ZCCHC7: variants seen among roughly 807,000 people sequenced by gnomAD.
ZCCHC7 encodes zinc finger CCHC-type containing 7, also known as zinc finger CCHC domain-containing protein 7.
In ZCCHC7, 35 loss-of-function variants were observed where a neutral mutation model predicts 52.0. The ratio of observed to expected loss-of-function variants is 0.67; its 90% CI spans 0.51 to 0.89. The LOEUF (loss-of-function observed/expected upper bound fraction) is 0.89. ZCCHC7 is among the 40% of genes least tolerant of loss of function. The pLI is 0.00. For synonymous variants in ZCCHC7, 217 were observed against 221.5 expected, an observed-to-expected ratio of 0.98 and a Z score of 0.18; for missense variants, 574 against 649.1, an observed-to-expected ratio of 0.88 and a Z score of 1.26.
At chr9:37,330,806 C>T (rs1193256412) in intron 6 of ZCCHC7, among the ~76,000 whole-genome samples, 1 of 151,418 alleles carries the variant, frequency 6.6e-6, no homozygotes, top group Non-Finnish European at 1.5e-5. Context: ...TTCCCCCACC[C>T]CCTGTCATTT....
chr9:37,233,134 A>G (rs899976870), intron 2 of ZCCHC7, among the ~76,000 whole-genome samples: 1 of 152,218 alleles, frequency 6.6e-6, no homozygotes, highest in Non-Finnish European at 1.5e-5. Context: ...CAGTGAGGTT[A>G]TATTTCTAAA....
At chr9:37,307,700 A>G (rs1696440599) in intron 5 of ZCCHC7, among the ~76,000 whole-genome samples, 1 of 152,024 alleles carries the variant, frequency 6.6e-6, no homozygotes, top group South Asian at 2.1e-4. Flanking sequence ...ATAAATTAGT[A>G]TGGCTTTCTG....
chr9:37,278,468 T>C (rs1827794734), intron 2 of ZCCHC7, among the ~76,000 whole-genome samples: 1 of 152,052 alleles, frequency 6.6e-6, no homozygotes, highest in Non-Finnish European at 1.5e-5. Context: ...AAGAAAACTT[T>C]AAAAATAAAT....
intron 2 of ZCCHC7, among the ~76,000 whole-genome samples, chr9:37,253,709 A>G (rs1826439620): frequency 6.6e-6 from 1 of 152,020 alleles, no homozygotes; most frequent in African/African-American, 2.4e-5. Context: ...ATGAGAGGGA[A>G]TGGTACATAT....
chr9:37,356,021 C>A (rs1821679531), intron 8 of ZCCHC7, among the ~76,000 whole-genome samples: 1 of 151,994 alleles, frequency 6.6e-6, no homozygotes, highest in Admixed American at 6.6e-5. Context: ...TTAGAGAAAA[C>A]CCATTTTGGT....
intron 2 of ZCCHC7, among the ~76,000 whole-genome samples, chr9:37,269,882 C>CT (rs1827319678): frequency 1.3e-5 from 2 of 152,026 alleles, no homozygotes; most frequent in African/African-American, 4.8e-5. Context: ...TTTGAGGCAC[C>CT]TAGGCCAGTT....
intron 2 of ZCCHC7, among the ~76,000 whole-genome samples, chr9:37,270,184 G>A (rs1040783990): frequency 2.6e-5 from 4 of 152,024 alleles, no homozygotes; most frequent in South Asian, 4.1e-4. Context: ...CTTGTTTAAC[G>A]TGACTACTAG....
intron 2 of ZCCHC7, among the ~76,000 whole-genome samples, chr9:37,136,550 C>G (rs1049251920): frequency 3.3e-5 from 5 of 152,086 alleles, no homozygotes; most frequent in Admixed American, 2.6e-4. Flanking sequence ...CTTGACCTCC[C>G]GGGCTGAAGT....
intron 3 of ZCCHC7, 59 bp downstream of exon 3, chr9:37,302,290 TATG>T: frequency 7.2e-7 from 1 of 1,389,312 alleles, no homozygotes; most frequent in South Asian, 1.2e-5. Context: ...CATAGTTTAT[TATG>T]ATAACTTTTG....
chr9:37,186,475 T>C lies in ZCCHC7; in HGVS notation c.610+59533T>C, dbSNP rs560350416. On this transcript the variant is annotated intron_variant, in intron 2 of 8. Transcript: ENST00000336755. Reference sequence around the variant, plus strand: ...AAATGTAAAGTTCATTAATATGCTGTATATTTTTATCCCCTTGAATGTAAT... The same window carrying C: ...AAATGTAAAGTTCATTAATATGCTGCATATTTTTATCCCCTTGAATGTAAT... 3.3e-5 allele frequency among the ~76,000 whole-genome samples: 5 copies of C among 152,338 alleles called. No homozygotes were observed. The South Asian group carries it at 1.0e-3, about 32-fold the overall frequency.
intron 2 of ZCCHC7, chr9:37,186,689 C>A: frequency 1.7e-6 from 1 of 587,944 alleles, no homozygotes; most frequent in South Asian, 2.1e-5. Flanking sequence ...TTTACAGATT[C>A]AAATATTTTT....
Position 37,126,848 on chromosome 9 carries a change from T to C in ZCCHC7, c.516T>C (p.Asn172=), listed in dbSNP as rs746562962. Residue 172 remains asparagine, a synonymous_variant, in exon 2 of 9, where the codon AAT becomes AAC. Transcript: ENST00000336755. The stretch of plus-strand genomic sequence containing the variant: ...AGAGCACCATTTCAGAAGGTGATAA[T>C]GTGGAAAGCTGGATGCTACTGGGAT... The part of the protein sequence containing the change: ...EEESTISEGD[N]VESWMLLGCE... 2 of 1,614,152 alleles carry C rather than the reference T, an allele frequency of 1.2e-6. No individual in the cohort carries two copies. The highest frequency in any genetic ancestry group is 1.7e-5 in the Admixed American group (1 of 60,018).
chr9:37,357,672 C>CTTTTTT lies in ZCCHC7; in HGVS notation c.*418_*423dup, dbSNP rs201395017. ...AGAAAAAGTCATCAATATTTTTCAA[C>CTTTTTT]TTTTTTTTTTTTTTTTTTTACTTTG... is the stretch of plus-strand genomic sequence containing the variant. On this transcript the variant is annotated 3_prime_UTR_variant, in exon 9 of 9. Coordinates refer to ENST00000336755, the MANE Select transcript of ZCCHC7 (RefSeq NM_032226.3). The CTTTTTT allele has an allele frequency of 7.3e-6, 1 of 136,496 alleles. No homozygotes were observed. The allele number at this position is 136,496 out of a possible 1,614,324, so 8.5% of individuals were successfully genotyped here.
At chr9:37,321,011 T>G (rs308500) in intron 5 of ZCCHC7, among the ~76,000 whole-genome samples, 1 of 136,682 alleles carries the variant, frequency 7.3e-6, no homozygotes, top group Non-Finnish European at 1.5e-5. Flanking sequence ...TTTTTTGAGA[T>G]GGAATCTCAC....
At chr9:37,222,296 C>G (rs1723521344) in intron 2 of ZCCHC7, among the ~76,000 whole-genome samples, 1 of 146,908 alleles carries the variant, frequency 6.8e-6, no homozygotes, top group Non-Finnish European at 1.5e-5. Flanking sequence ...TAACATAGAA[C>G]AGGCCAAGGG....
At chr9:37,260,823 T>C (rs1015735896) in intron 2 of ZCCHC7, among the ~76,000 whole-genome samples, 1 of 152,224 alleles carries the variant, frequency 6.6e-6, no homozygotes, top group African/African-American at 2.4e-5. Context: ...GGACTGTAGC[T>C]ATTGAATCTG....
chr9:37,139,729 T>A (rs1843143271), intron 2 of ZCCHC7, among the ~76,000 whole-genome samples: 1 of 152,004 alleles, frequency 6.6e-6, no homozygotes, highest in African/African-American at 2.4e-5. Flanking sequence ...TGCTTAAATA[T>A]ACAATTAACT....
intron 2 of ZCCHC7, among the ~76,000 whole-genome samples, chr9:37,151,661 CT>C (rs2132837244): frequency 6.6e-6 from 1 of 152,072 alleles, no homozygotes; most frequent in Admixed American, 6.5e-5. Context: ...AAAAATTAGC[CT>C]GACGTGGTGG....
At position 37,124,282 on chromosome 9, in the gene ZCCHC7, C is replaced by A. The variant is rs1013706075; in HGVS notation, c.-21-2030C>A. ...GTCCATCAGTACCTAATGGAAACAT[C>A]TACTGTGTAGAGTTTTGGTTGCTGA... On this transcript the variant is annotated intron_variant, in intron 1 of 8. Transcript: ENST00000336755. 3.3e-5 allele frequency among the ~76,000 whole-genome samples: 5 copies of A among 152,074 alleles called. No homozygotes were observed. In the South Asian group the frequency reaches 1.0e-3, roughly 32 times the overall value.
Sources: gnomAD v4.1 joint callset for allele counts (sites outside exome capture counted in the v4.1 genomes callset) on GRCh38, gnomAD v4.1.1 for gene constraint, MANE v1.5 for transcripts, NCBI Gene and HGNC (gene_info 2026-07-23, HGNC 2026-07-21) for gene names.